SLC39A12: variants seen among roughly 807,000 people sequenced by gnomAD.
SLC39A12 encodes the protein solute carrier family 39 member 12.
A neutral mutation model predicts 71.1 loss-of-function variants in SLC39A12; 63 were observed. That is an observed-to-expected ratio of 0.89 (90% CI 0.72 to 1.09). The LOEUF (loss-of-function observed/expected upper bound fraction) is 1.09, where lower values mean the gene tolerates loss of function less well. Among genes scored for constraint, SLC39A12 ranks in the 50% least tolerant of loss-of-function variants. SLC39A12 has a pLI of 0.00. For synonymous variants in SLC39A12, 351 were observed against 301.3 expected, an observed-to-expected ratio of 1.16 and a Z score of -1.71; for missense variants, 892 against 812.6, an observed-to-expected ratio of 1.10 and a Z score of -1.19.
At chr10:17,972,688 A>G (rs1291396103) in intron 4 of SLC39A12, among the ~76,000 whole-genome samples, 1 of 152,000 alleles carries the variant, frequency 6.6e-6, no homozygotes, top group Non-Finnish European at 1.5e-5. Flanking sequence ...GGCATGGAGT[A>G]TCTTTTTCTG....
chr10:18,028,423 C>T (rs991315448), intron 12 of SLC39A12, among the ~76,000 whole-genome samples: 1 of 151,992 alleles, frequency 6.6e-6, no homozygotes, highest in East Asian at 1.9e-4. Flanking sequence ...AACAGGAAAC[C>T]AGTTTCAGGT....
chr10:18,030,775 A>G (rs1411971704), intron 12 of SLC39A12, among the ~76,000 whole-genome samples: 19 of 133,846 alleles, frequency 1.4e-4, no homozygotes, highest in African/African-American at 5.2e-4. Context: ...ATATCTCCCA[A>G]TGCTATCCCT....
At chr10:17,985,457 T>G (rs1477266644) in intron 6 of SLC39A12, among the ~76,000 whole-genome samples, 2 of 152,096 alleles carry the variant, frequency 1.3e-5, no homozygotes, top group Non-Finnish European at 2.9e-5. Context: ...ATAGTTTTTT[T>G]TTTTCAAAAA....
chr10:18,009,044 A>C (rs1836121843), intron 12 of SLC39A12, among the ~76,000 whole-genome samples: 1 of 152,164 alleles, frequency 6.6e-6, no homozygotes, highest in Admixed American at 6.5e-5. Context: ...ATAATTTGTT[A>C]TTTAAAGCAT....
At chr10:17,997,195 G>T (rs1214273418) in intron 10 of SLC39A12, among the ~76,000 whole-genome samples, 1 of 152,094 alleles carries the variant, frequency 6.6e-6, no homozygotes, top group Non-Finnish European at 1.5e-5. Context: ...ATGCAGTGAA[G>T]AATAAAATAA....
At position 17,987,576 on chromosome 10, in the gene SLC39A12, G is replaced by C. The variant is rs780672265; in HGVS notation, c.1194G>C (p.Arg398Ser). 90 of 1,614,014 alleles carry C rather than the reference G, an allele frequency of 5.6e-5. 2 individuals are homozygous for C. In the South Asian group the frequency reaches 8.9e-4, roughly 16 times the overall value. ...TCCATAGCTGTGAGGAGAACTACAG[G>C]CTTATCTTACAGCTGTTTGTGGGCT... ...VLFHSCEENY[R>S]LILQLFVGLA... Residue 398 changes from arginine to serine, a missense_variant, in exon 7 of 13, where the codon AGG (arginine) becomes AGC (serine). Transcript: ENST00000377369.
At chr10:17,993,144 C>A in intron 8 of SLC39A12, 37 bp from the exon 9 acceptor site, 1 of 1,447,354 alleles carries the variant, frequency 6.9e-7, no homozygotes, top group Non-Finnish European at 9.5e-7. Flanking sequence ...CTGTGTTCTT[C>A]TGGCTTCAAC....
intron 12 of SLC39A12, among the ~76,000 whole-genome samples, chr10:18,036,062 A>G (rs1837002197): frequency 6.6e-6 from 1 of 152,236 alleles, no homozygotes. Context: ...GCTGTCAGGC[A>G]GGGACATTTA....
At chr10:17,958,716 T>C (rs1834611401) in intron 2 of SLC39A12, among the ~76,000 whole-genome samples, 1 of 152,216 alleles carries the variant, frequency 6.6e-6, no homozygotes, top group Non-Finnish European at 1.5e-5. Context: ...ACTTTTCTCA[T>C]GAAGAAAGGT....
chr10:17,974,525 C>T (rs1033546932), intron 4 of SLC39A12, among the ~76,000 whole-genome samples: 2 of 152,200 alleles, frequency 1.3e-5, no homozygotes, highest in Admixed American at 1.3e-4. Flanking sequence ...TTCTTGCAGA[C>T]TTATACAGAT....
intron 4 of SLC39A12, among the ~76,000 whole-genome samples, chr10:17,967,759 C>T (rs1330166705): frequency 1.3e-5 from 2 of 151,018 alleles, no homozygotes; most frequent in Non-Finnish European, 3.0e-5. Flanking sequence ...TGATGGCGGG[C>T]GCCTGTAGTC....
chr10:17,996,044 T>C (rs898042090), intron 10 of SLC39A12, among the ~76,000 whole-genome samples: 25 of 152,188 alleles, frequency 1.6e-4, no homozygotes, highest in African/African-American at 4.8e-4. Context: ...TGTGTGATGA[T>C]TGAGGCTTTT....
At chr10:17,961,460 G>A (rs1834686648) in intron 2 of SLC39A12, 121 bp from the exon 3 acceptor site, 1 of 962,070 alleles carries the variant, frequency 1.0e-6, no homozygotes, top group Non-Finnish European at 1.5e-6. Flanking sequence ...TATTGGTCCT[G>A]CCTGCTTTTC....
At chr10:17,987,995 G>A (rs1835447950) in intron 7 of SLC39A12, among the ~76,000 whole-genome samples, 1 of 152,078 alleles carries the variant, frequency 6.6e-6, no homozygotes, top group Non-Finnish European at 1.5e-5. Context: ...CCGATGTGGT[G>A]GAACCCCATC....
chr10:17,978,060 G>A lies in SLC39A12; in HGVS notation c.910G>A (p.Val304Ile), dbSNP rs2478568. Residue 304 changes from valine (V) to isoleucine (I), a missense_variant, in exon 5 of 13, where the codon GTT becomes ATT. Coordinates refer to ENST00000377369, the MANE Select transcript of SLC39A12 (RefSeq NM_001145195.2). ...GGAAAAAGAGTCTGAGGATGGTCCA[G>A]TTTCCTGGGATCAGGTATTGCCATT... Reference protein sequence around the residue: ...SMEKESEDGPVSWDQTCFSAR... With the variant: ...SMEKESEDGPISWDQTCFSAR... 1,025,561 of 1,587,006 alleles carry A rather than the reference G, an allele frequency of 0.65. 332,722 individuals are homozygous for A. The highest frequency in any genetic ancestry group is 0.73 in the South Asian group (62,657 of 85,894).
chr10:18,038,480 G>A (rs1837125817), intron 12 of SLC39A12, among the ~76,000 whole-genome samples: 1 of 152,048 alleles, frequency 6.6e-6, no homozygotes, highest in Non-Finnish European at 1.5e-5. Context: ...GTGAAACCCA[G>A]TCTCTACTAA....
intron 10 of SLC39A12, among the ~76,000 whole-genome samples, chr10:17,997,207 C>A (rs1299410689): frequency 2.0e-5 from 3 of 152,204 alleles, no homozygotes; most frequent in African/African-American, 7.2e-5. Flanking sequence ...ATAAAATAAG[C>A]ATGATCTTTA....
chr10:17,959,040 A>ATT (rs1203649370), intron 2 of SLC39A12, among the ~76,000 whole-genome samples: 1 of 152,214 alleles, frequency 6.6e-6, no homozygotes, highest in African/African-American at 2.4e-5. Flanking sequence ...CTACCAACAA[A>ATT]TTGTAGCTAA....
intron 2 of SLC39A12, among the ~76,000 whole-genome samples, chr10:17,954,756 G>C (rs1470156847): frequency 1.3e-5 from 2 of 151,836 alleles, no homozygotes; most frequent in South Asian, 4.2e-4. Context: ...ACATAAATAA[G>C]TAAAACAAAA....
Sources: allele counts gnomAD v4.1 joint callset (sites outside exome capture counted in the v4.1 genomes callset), GRCh38; gene constraint gnomAD v4.1.1; transcripts MANE v1.5; gene names NCBI Gene and HGNC (gene_info 2026-07-23, HGNC 2026-07-21).